WDR25: variants seen among roughly 807,000 people sequenced by gnomAD.
WDR25 encodes WD repeat-containing protein 25.
A neutral mutation model predicts 47.7 loss-of-function variants in WDR25; 35 were observed. The observed-to-expected ratio is 0.73, with a 90% CI of 0.56 to 0.97. The LOEUF (loss-of-function observed/expected upper bound fraction) is 0.97, where lower values mean the gene tolerates loss of function less well. WDR25 is among the 50% of genes least tolerant of loss of function. The pLI, the probability that WDR25 is intolerant of heterozygous loss-of-function variation, is 0.00. For synonymous variants in WDR25, 248 were observed against 278.9 expected, an observed-to-expected ratio of 0.89 and a Z score of 1.10; for missense variants, 634 against 704.7, an observed-to-expected ratio of 0.90 and a Z score of 1.14.
In WDR25 at chr14:100,468,029, C is replaced by T. The variant is rs758971019; in HGVS notation, c.831C>T (p.Asn277=). 2.2e-5 allele frequency: 36 copies of T among 1,612,698 alleles called. No homozygotes were observed. Among genetic ancestry groups the T allele is most frequent in the Middle Eastern group, 1.8e-4 (1 of 5,566 alleles). ...TSMDKTFKVW[N]AVDSGHCLQT... ...TCTGTGTTTGCCTGCAGGTATGGAA[C>T]GCCGTGGACTCCGGGCACTGCCTGC... The change falls in exon 3 of 7, where the codon AAC becomes AAT. Residue 277 remains asparagine (N), a synonymous_variant. Transcript: ENST00000402312. The surrounding 1 kb of genome is among the most constrained non-coding windows in gnomAD (Gnocchi z 4.5).
At chr14:100,516,884 A>G (rs143641539) in intron 4 of WDR25, among the ~76,000 whole-genome samples, 1 of 150,562 alleles carries the variant, frequency 6.6e-6, no homozygotes, top group Non-Finnish European at 1.5e-5. Context: ...AATTACTGCT[A>G]TGGTTGACTT....
At chr14:100,381,959 G>T in intron 2 of WDR25, 1 of 652,684 alleles carries the variant, frequency 1.5e-6, no homozygotes, top group South Asian at 1.7e-5. Context: ...CCTTGCTCAG[G>T]TTACCAGAGG....
At position 100,430,171 on chromosome 14, in the gene WDR25, TG is replaced by T. The variant is rs1898287662; in HGVS notation, c.823-37849del. On this transcript the variant is annotated intron_variant, in intron 2 of 6. Coordinates refer to ENST00000402312, the MANE Select transcript of WDR25 (RefSeq NM_001161476.3). The surrounding 1 kb of genome is among the most constrained non-coding windows in gnomAD (Gnocchi z 4.7). The stretch of plus-strand genomic sequence containing the variant: ...GGCCTGGTGTGTGTGTGTGTGTGTG[TG>T]TGTGTGTGTGTGTTCCCGGGAAGGC... 6.6e-6 allele frequency among the ~76,000 whole-genome samples: 1 copy of T among 151,658 alleles called. No individual in the cohort carries two copies. Among genetic ancestry groups the T allele is most frequent in the Admixed American group, 6.6e-5 (1 of 15,204 alleles).
At chr14:100,483,865 A>G (rs1157421340) in intron 3 of WDR25, 129 bp from the exon 4 acceptor site, 2 of 1,158,126 alleles carry the variant, frequency 1.7e-6, no homozygotes, top group Non-Finnish European at 2.4e-6. Flanking sequence ...AAAAGTGTCC[A>G]TTGGGCTACA....
intron 2 of WDR25, among the ~76,000 whole-genome samples, chr14:100,455,738 T>C (rs1368703750): frequency 6.6e-6 from 1 of 152,146 alleles, no homozygotes; most frequent in Non-Finnish European, 1.5e-5. Context: ...CTAGAGACAA[T>C]GGAATGGTAT....
At chr14:100,444,489 A>G (rs1595094351) in intron 2 of WDR25, among the ~76,000 whole-genome samples, 1 of 152,212 alleles carries the variant, frequency 6.6e-6, no homozygotes, top group Non-Finnish European at 1.5e-5. Flanking sequence ...GCTAAGGCCC[A>G]TGCCAGAGCT....
At chr14:100,484,604 G>A (rs1401273340) in intron 4 of WDR25, among the ~76,000 whole-genome samples, 3 of 152,034 alleles carry the variant, frequency 2.0e-5, no homozygotes, top group Admixed American at 2.0e-4. Flanking sequence ...TTAAAGGCTG[G>A]TTGTGATTTC....
At chr14:100,472,378 T>C (rs891305859) in intron 3 of WDR25, among the ~76,000 whole-genome samples, 1 of 152,244 alleles carries the variant, frequency 6.6e-6, no homozygotes. Flanking sequence ...GTGTTGGCTC[T>C]TCTGCCTCCC....
At chr14:100,418,635 CAAA>C in intron 2 of WDR25, among the ~76,000 whole-genome samples, 1 of 129,360 alleles carries the variant, frequency 7.7e-6, no homozygotes, top group African/African-American at 3.1e-5. Context: ...GACTCCGTCT[CAAA>C]AAAAAAAAAA....
chr14:100,514,137 C>T (rs1901410867), intron 4 of WDR25, among the ~76,000 whole-genome samples: 2 of 150,908 alleles, frequency 1.3e-5, no homozygotes, highest in African/African-American at 2.4e-5. Flanking sequence ...GGGGTTTCAC[C>T]GTGTTAGCCA....
At chr14:100,508,797 A>G (rs1253930254) in intron 4 of WDR25, among the ~76,000 whole-genome samples, 9 of 152,152 alleles carry the variant, frequency 5.9e-5, no homozygotes, top group Admixed American at 4.6e-4. Flanking sequence ...TCTTAGTTGT[A>G]TGAATTTTTT....
rs1897474521 is a variant in WDR25, at chr14:100,404,521, C to T, written c.822+22775C>T. ...CCCTCTGGTGTTCCTGGCTGGGAAA[C>T]AGGGGCCCCTACCTGTGGGCTGCGT... is the stretch of plus-strand genomic sequence containing the variant. On this transcript the variant is annotated intron_variant, in intron 2 of 6. Transcript: ENST00000402312. This position sits in a 1 kb window ranked among gnomAD's most constrained non-coding sequence, Gnocchi z 4.6. Among the ~76,000 whole-genome samples the T allele has an allele frequency of 6.6e-6, 1 of 152,198 alleles. No individual in the cohort carries two copies. The highest frequency in any genetic ancestry group is 2.1e-4 in the South Asian group (1 of 4,828).
At chr14:100,481,439 CTTTTTT>C (rs34968968) in intron 3 of WDR25, among the ~76,000 whole-genome samples, 5 of 140,532 alleles carry the variant, frequency 3.6e-5, no homozygotes, top group Non-Finnish European at 7.7e-5. Context: ...AGTGTAAATG[CTTTTTT>C]TTTTTTTTTA....
At chr14:100,503,058 CGTGTGT>C (rs143534778) in intron 4 of WDR25, among the ~76,000 whole-genome samples, 3 of 146,828 alleles carry the variant, frequency 2.0e-5, no homozygotes, top group African/African-American at 7.5e-5. Flanking sequence ...TGTGTGTGTG[CGTGTGT>C]GTGTGTGTGT....
intron 2 of WDR25, among the ~76,000 whole-genome samples, chr14:100,409,263 A>T (rs1897635557): frequency 6.6e-6 from 1 of 152,218 alleles, no homozygotes. Context: ...GTTGCAGGCC[A>T]CTGGTTAAGC....
intron 2 of WDR25, among the ~76,000 whole-genome samples, chr14:100,458,609 A>T (rs1195839612): frequency 6.6e-6 from 1 of 152,174 alleles, no homozygotes; most frequent in Non-Finnish European, 1.5e-5. Context: ...CAGAATATAC[A>T]TTCTTTTCAA....
At chr14:100,520,076 G>A (rs1252148544) in intron 4 of WDR25, among the ~76,000 whole-genome samples, 1 of 113,824 alleles carries the variant, frequency 8.8e-6, no homozygotes, top group Admixed American at 9.7e-5. Context: ...GTGTGTGTGT[G>A]TGCATATATA....
chr14:100,440,237 G>A lies in WDR25; in HGVS notation c.823-27784G>A, dbSNP rs1898627385. Reference sequence around the variant, plus strand: ...CTTTATGTGTGTCAGTCATAGCAGGGGAGTGTTTTCCTCTTGGATGCGTTT... The same window carrying A: ...CTTTATGTGTGTCAGTCATAGCAGGAGAGTGTTTTCCTCTTGGATGCGTTT... On this transcript the variant is annotated intron_variant, in intron 2 of 6. Transcript: ENST00000402312. The surrounding 1 kb of genome is among the most constrained non-coding windows in gnomAD (Gnocchi z 4.4). Among the ~76,000 whole-genome samples, 1 of 152,158 alleles carries A rather than the reference G, an allele frequency of 6.6e-6. No individual in the cohort carries two copies. Among genetic ancestry groups the A allele is most frequent in the African/African-American group, 2.4e-5 (1 of 41,426 alleles).
chr14:100,521,067 A>G (rs1566947290), intron 4 of WDR25, among the ~76,000 whole-genome samples: 1 of 152,168 alleles, frequency 6.6e-6, no homozygotes, highest in Non-Finnish European at 1.5e-5. Flanking sequence ...GGATTGGCAA[A>G]CTACAGTTGA....
Sources: gnomAD v4.1 joint callset for allele counts (sites outside exome capture counted in the v4.1 genomes callset) on GRCh38, gnomAD v4.1.1 for gene constraint, Gnocchi (gnomAD v3.1) non-coding constraint, MANE v1.5 for transcripts, NCBI Gene and HGNC (gene_info 2026-07-23, HGNC 2026-07-21) for gene names.